ADGRL2: variants seen among roughly 807,000 people sequenced by gnomAD.
The protein encoded by ADGRL2 is adhesion G protein-coupled receptor L2.
In ADGRL2, 44 loss-of-function variants were observed where a neutral mutation model predicts 157.4. That is an observed-to-expected ratio of 0.28 (90% CI 0.22 to 0.36). The LOEUF is 0.36. Among genes scored for constraint, ADGRL2 ranks in the 10% least tolerant of loss-of-function variants. ADGRL2 has a pLI of 1.00. For synonymous variants in ADGRL2, 585 were observed against 624.7 expected, an observed-to-expected ratio of 0.94 and a Z score of 0.95; for missense variants, 1,510 against 1,768.9, an observed-to-expected ratio of 0.85 and a Z score of 2.63.
At chr1:81,449,916 G>A (rs369899567) in intron 2 of ADGRL2, among the ~76,000 whole-genome samples, 1 of 152,272 alleles carries the variant, frequency 6.6e-6, no homozygotes, top group East Asian at 1.9e-4. Context: ...AGACCCAAAT[G>A]TTGGTCTTGT....
chr1:81,425,519 C>T (rs1481433329), intron 1 of ADGRL2, among the ~76,000 whole-genome samples: 1 of 152,196 alleles, frequency 6.6e-6, no homozygotes, highest in Non-Finnish European at 1.5e-5. Flanking sequence ...ATGCCTGGCT[C>T]ATGGCAAGTT....
intron 1 of ADGRL2, among the ~76,000 whole-genome samples, chr1:81,715,001 C>T (rs2084062490): frequency 6.6e-6 from 1 of 151,866 alleles, no homozygotes; most frequent in Non-Finnish European, 1.5e-5. Context: ...CAGTTTTTAA[C>T]CTGCTTTGTT....
At chr1:81,522,818 C>T (rs2148178676) in intron 2 of ADGRL2, among the ~76,000 whole-genome samples, 1 of 152,216 alleles carries the variant, frequency 6.6e-6, no homozygotes, top group South Asian at 2.1e-4. Context: ...TATTCATTAT[C>T]CAGTCCAATA....
intron 2 of ADGRL2, among the ~76,000 whole-genome samples, chr1:81,535,714 G>A (rs146330600): frequency 2.0e-5 from 3 of 152,144 alleles, no homozygotes; most frequent in African/African-American, 4.8e-5. Flanking sequence ...TTTGGCAGAT[G>A]AAATTATGTT....
chr1:81,470,092 G>T (rs897516882), intron 2 of ADGRL2, among the ~76,000 whole-genome samples: 4 of 152,158 alleles, frequency 2.6e-5, no homozygotes, highest in Non-Finnish European at 4.4e-5. Context: ...CTTAAGTCAT[G>T]TTCTTCTGCC....
At chr1:81,910,291 G>C (rs1013461565) in intron 3 of ADGRL2, among the ~76,000 whole-genome samples, 1 of 134,244 alleles carries the variant, frequency 7.4e-6, no homozygotes, top group African/African-American at 2.8e-5. Context: ...ATTGAGAAAG[G>C]TAGAGATGAA....
chr1:81,313,001 A>G (rs996147368), intron 1 of ADGRL2, among the ~76,000 whole-genome samples: 1 of 152,192 alleles, frequency 6.6e-6, no homozygotes, highest in East Asian at 1.9e-4. Context: ...TGGAAAAAAT[A>G]CCCATTTCTC....
intron 1 of ADGRL2, among the ~76,000 whole-genome samples, chr1:81,352,430 G>A (rs1288880645): frequency 6.6e-6 from 1 of 152,178 alleles, no homozygotes; most frequent in Non-Finnish European, 1.5e-5. Context: ...CTCTAGCTGT[G>A]AAAACTTGAA....
intron 2 of ADGRL2, among the ~76,000 whole-genome samples, chr1:81,569,827 T>A (rs542406074): frequency 6.6e-6 from 1 of 152,154 alleles, no homozygotes; most frequent in South Asian, 2.1e-4. Flanking sequence ...AAATTTAATT[T>A]AAAATTAAAA....
intron 2 of ADGRL2, among the ~76,000 whole-genome samples, chr1:81,576,943 G>T (rs377136056): frequency 2.6e-5 from 4 of 152,086 alleles, no homozygotes; most frequent in East Asian, 1.9e-4. Flanking sequence ...ACATCATGTT[G>T]TTGGATCCCA....
At chr1:81,381,418 T>C (rs1055773343) in intron 1 of ADGRL2, among the ~76,000 whole-genome samples, 2 of 152,096 alleles carry the variant, frequency 1.3e-5, no homozygotes, top group Non-Finnish European at 2.9e-5. Flanking sequence ...GTTTAAGAAA[T>C]AGCCTATAAA....
chr1:81,849,727 A>G (rs1249817223), intron 2 of ADGRL2, among the ~76,000 whole-genome samples: 1 of 151,898 alleles, frequency 6.6e-6, no homozygotes, highest in East Asian at 1.9e-4. Flanking sequence ...TTAAGATTGC[A>G]TGTTTTGGTA....
At chr1:81,557,041 AAAG>A (rs200823235) in intron 2 of ADGRL2, 23 of 164,828 alleles carry the variant, frequency 1.4e-4, no homozygotes, top group African/African-American at 2.0e-4. Context: ...AAAAAGAAAG[AAAG>A]AAGAAGAAGA....
In ADGRL2 at chr1:81,554,653, T is replaced by C. The variant is rs909300160; in HGVS notation, c.-247-26223T>C. ...AACTTAATCAGTTTATTTAGGCTTT[T>C]AGTCAAGAAATATAAAGCTGCCAAT... On this transcript the variant is annotated intron_variant, in intron 2 of 24. Coordinates refer to the ADGRL2 transcript ENST00000370721. Among the ~76,000 whole-genome samples, 6 of 152,150 alleles carry C rather than the reference T, an allele frequency of 3.9e-5. No homozygotes were observed. The South Asian group carries it at 1.2e-3, about 32-fold the overall frequency.
chr1:81,900,042 A>T (rs924571164), intron 2 of ADGRL2, among the ~76,000 whole-genome samples: 1 of 152,156 alleles, frequency 6.6e-6, no homozygotes. Flanking sequence ...TCTTAATTTC[A>T]TTTTTATTGG....
chr1:81,403,270 G>GT (rs2076792555), intron 1 of ADGRL2, among the ~76,000 whole-genome samples: 1 of 147,322 alleles, frequency 6.8e-6, no homozygotes, highest in African/African-American at 2.5e-5. Flanking sequence ...TGTTTGTTTT[G>GT]TTTTTTGTTT....
chr1:81,404,076 G>A (rs35165212), intron 1 of ADGRL2, among the ~76,000 whole-genome samples: 40,819 of 152,060 alleles, frequency 0.27, 6,365 homozygotes, highest in Middle Eastern at 0.37. Flanking sequence ...GATTACAGGC[G>A]TGAGCCACCT....
chr1:81,447,674 GA>G (rs949364984), intron 2 of ADGRL2, among the ~76,000 whole-genome samples: 9 of 152,022 alleles, frequency 5.9e-5, no homozygotes, highest in African/African-American at 1.4e-4. Context: ...CTGATTTTTA[GA>G]AAAAAACTTC....
intron 1 of ADGRL2, among the ~76,000 whole-genome samples, chr1:81,372,193 G>A (rs1164239296): frequency 6.6e-6 from 1 of 152,014 alleles, no homozygotes; most frequent in East Asian, 1.9e-4. Context: ...TTTTAAAATG[G>A]GAAACTATTA....
Sources: gnomAD v4.1 joint callset for allele counts (sites outside exome capture counted in the v4.1 genomes callset) on GRCh38, gnomAD v4.1.1 for gene constraint, MANE v1.5 for transcripts, NCBI Gene and HGNC (gene_info 2026-07-23, HGNC 2026-07-21) for gene names.